The following GPR132 variants were observed in gnomAD, a reference collection of about 807,000 sequenced individuals.
GPR132 encodes the protein G protein-coupled receptor 132.
A neutral mutation model predicts 1.9 loss-of-function variants in GPR132; 4 were observed. The observed-to-expected ratio is 2.13, with a 90% CI of 1.05 to 4.87. GPR132 has a LOEUF of 4.87. GPR132 is among the 30% of genes most tolerant of loss of function. GPR132 has a pLI of 0.01. For missense variants in GPR132, 404 were observed against 512.5 expected, an observed-to-expected ratio of 0.79 and a Z score of 2.04; for synonymous variants, 233 against 234.2, an observed-to-expected ratio of 0.99 and a Z score of 0.05.
At chr14:105,064,227 C>A (rs1219058922) in intron 1 of GPR132, among the ~76,000 whole-genome samples, 1 of 152,240 alleles carries the variant, frequency 6.6e-6, no homozygotes, top group African/African-American at 2.4e-5. Context: ...TGGCACCAGG[C>A]AAACCTATGA....
Position 105,051,546 on chromosome 14 carries a change from G to T in GPR132, c.591C>A (p.Ala197=). 6.2e-7 allele frequency: 1 copy of T among 1,613,986 alleles called. No homozygotes were observed. Among genetic ancestry groups the T allele is most frequent in the South Asian group, 1.1e-5 (1 of 91,086 alleles). ...FDMLQMDSRI[A]GYYYARFTVG... ...CGGTGAACCTGGCGTAGTAGTACCCGGCAATCCTGCTGTCCATCTGCAGCA... is the reference window on the plus strand; with the variant it reads ...CGGTGAACCTGGCGTAGTAGTACCCTGCAATCCTGCTGTCCATCTGCAGCA... The change falls in exon 4 of 4, where the codon GCC becomes GCA. Residue 197 remains alanine (A), a synonymous_variant. Transcript: ENST00000329797. This position sits in a 1 kb window ranked among gnomAD's most constrained non-coding sequence, Gnocchi z 8.0.
At position 105,051,148 on chromosome 14, in the gene GPR132, G is replaced by A. The variant is rs761937469; in HGVS notation, c.989C>T (p.Ser330Phe). 1 of 1,614,040 alleles carries A rather than the reference G, an allele frequency of 6.2e-7. No individual in the cohort carries two copies. The highest frequency in any genetic ancestry group is 2.2e-5 in the East Asian group (1 of 44,900). The change falls in exon 4 of 4, where the codon TCC (serine) becomes TTC (phenylalanine). Residue 330 changes from serine (S) to phenylalanine (F), a missense_variant. Physicochemically the swap from Ser to Phe is radical, Grantham distance 155 (BLOSUM62 -2). Coordinates refer to ENST00000329797, the MANE Select transcript of GPR132 (RefSeq NM_013345.4). The surrounding 1 kb of genome is among the most constrained non-coding windows in gnomAD (Gnocchi z 8.0). ...GAGCCTGGTGACGTCTGTCTTCATGGACCACTCTTTCCACCCCTTATGGAT... is the reference window on the plus strand; with the variant it reads ...GAGCCTGGTGACGTCTGTCTTCATGAACCACTCTTTCCACCCCTTATGGAT... ...SRIHKGWKEW[S>F]MKTDVTRLTH...
intron 3 of GPR132, among the ~76,000 whole-genome samples, chr14:105,053,776 G>A (rs1266693508): frequency 6.6e-6 from 1 of 151,972 alleles, no homozygotes; most frequent in East Asian, 1.9e-4. Flanking sequence ...CGGGAAAGGG[G>A]AACTAAGGTT....
rs200733740 is a variant in GPR132, at chr14:105,051,591, G to T, written c.546C>A (p.Asp182Glu). 1.9e-6 allele frequency: 3 copies of T among 1,614,032 alleles called. No homozygotes were observed. In the East Asian group the frequency reaches 6.7e-5, roughly 36 times the overall value. ...GCAGCATGTCAAAGCAGGTCTCCTT[G>T]TCTTCCGTCTGGAACACCGGGTAGT... ...IVHYPVFQTEDKETCFDMLQM... is the reference protein window; with the variant it reads ...IVHYPVFQTEEKETCFDMLQM... The change falls in exon 4 of 4, where the codon GAC (aspartate) becomes GAA (glutamate). Residue 182 changes from aspartate to glutamate, a missense_variant. By Grantham distance (45) the Asp-to-Glu change is conservative. Transcript: ENST00000329797. The surrounding 1 kb of genome is among the most constrained non-coding windows in gnomAD (Gnocchi z 8.0).
Position 105,055,845 on chromosome 14 carries a change from T to C in GPR132, c.-425A>G. ...CGTGTGGCGTGTGGCGTGTGGCGTGTTCTGCTCAGCCACGACTCCGCTGAC... is the reference window on the plus strand; with the variant it reads ...CGTGTGGCGTGTGGCGTGTGGCGTGCTCTGCTCAGCCACGACTCCGCTGAC... On this transcript the variant is annotated 5_prime_UTR_variant, in exon 3 of 4. Transcript: ENST00000329797. This position sits in a 1 kb window ranked among gnomAD's most constrained non-coding sequence, Gnocchi z 4.7. 5.6e-6 allele frequency: 1 copy of C among 179,738 alleles called. No homozygotes were observed. Among genetic ancestry groups the C allele is most frequent in the Non-Finnish European group, 1.2e-5 (1 of 86,114 alleles). The allele number at this position is 179,738 out of a possible 1,614,324, so 11.1% of individuals were successfully genotyped here. A position where few individuals can be genotyped will look rare whatever the true frequency, so the allele number is the denominator to read the frequency against.
chr14:105,057,508 ATTC>A, intron 1 of GPR132: 1 of 160,558 alleles, frequency 6.2e-6, no homozygotes, highest in Non-Finnish European at 1.2e-5. Flanking sequence ...ACTACATACG[ATTC>A]TTTTTTTTTT....
chr14:105,061,047 C>T (rs1291894779), intron 1 of GPR132, among the ~76,000 whole-genome samples: 2 of 152,268 alleles, frequency 1.3e-5, no homozygotes, highest in South Asian at 2.1e-4. Flanking sequence ...GATCCCGCCA[C>T]GTGCCTGACC....
chr14:105,057,131 C>G, intron 2 of GPR132, 36 bp downstream of exon 2: 1 of 1,505,846 alleles, frequency 6.6e-7, no homozygotes, highest in Non-Finnish European at 8.9e-7. Context: ...CATGGGCTTC[C>G]TCTTACATGT....
At chr14:105,054,386 G>A (rs1157110298) in intron 3 of GPR132, 7 of 985,106 alleles carry the variant, frequency 7.1e-6, no homozygotes, top group African/African-American at 1.7e-5. Context: ...CACCCCGAAC[G>A]GGGTCAGCCC....
chr14:105,051,120 G>C lies in GPR132; in HGVS notation c.1017C>G (p.Thr339=). The C allele has an allele frequency of 6.2e-7, 1 of 1,614,158 alleles. No individual in the cohort carries two copies. Among genetic ancestry groups the C allele is most frequent in the Non-Finnish European group, 8.5e-7 (1 of 1,180,026 alleles). ...GCAGCTCCTCGGTGTCCCTGCTGTG[G>C]GTGAGCCTGGTGACGTCTGTCTTCA... ...WSMKTDVTRL[T]HSRDTEELQS... The change falls in exon 4 of 4, where the codon ACC becomes ACG. Residue 339 remains threonine (T), a synonymous_variant. Transcript: ENST00000329797. This position sits in a 1 kb window ranked among gnomAD's most constrained non-coding sequence, Gnocchi z 8.0.
Position 105,056,210 on chromosome 14 carries a change from T to C in GPR132, c.-746-44A>G. 1 of 977,936 alleles carries C rather than the reference T, an allele frequency of 1.0e-6. No homozygotes were observed. The highest frequency in any genetic ancestry group is 1.2e-6 in the Non-Finnish European group (1 of 823,498). The allele number at this position is 977,936 out of a possible 1,614,324, so 60.6% of individuals were successfully genotyped here. Reference sequence around the variant, plus strand: ...TGGGTGTGACTGGGCTGCCTCACACTCAGTTGTCACCACTTCGCCCAAGAC... The same window carrying C: ...TGGGTGTGACTGGGCTGCCTCACACCCAGTTGTCACCACTTCGCCCAAGAC... On this transcript the variant is annotated intron_variant, in intron 2 of 3. Transcript: ENST00000329797. This position sits in a 1 kb window ranked among gnomAD's most constrained non-coding sequence, Gnocchi z 6.0.
At chr14:105,062,936 A>G (rs551320147) in intron 1 of GPR132, among the ~76,000 whole-genome samples, 5 of 149,646 alleles carry the variant, frequency 3.3e-5, no homozygotes, top group South Asian at 2.1e-4. Context: ...TTGTTTATTT[A>G]TTTATTTGGA....
At chr14:105,057,474 C>A in intron 1 of GPR132, 194 bp from the exon 2 acceptor site, 37 of 306,262 alleles carry the variant, frequency 1.2e-4, no homozygotes, top group Non-Finnish European at 1.6e-4. Context: ...CAACAGGCAT[C>A]AAAACGTCAC....
At chr14:105,061,187 C>T (rs570013512) in intron 1 of GPR132, among the ~76,000 whole-genome samples, 4 of 152,386 alleles carry the variant, frequency 2.6e-5, no homozygotes, top group South Asian at 4.1e-4. Context: ...TCCCTCGCAC[C>T]GAGGTCCAGC....
Position 105,050,857 on chromosome 14 carries a change from G to T in GPR132, c.*137C>A. The T allele has an allele frequency of 5.1e-6, 4 of 788,142 alleles. No individual in the cohort carries two copies. Among genetic ancestry groups the T allele is most frequent in the Middle Eastern group, 7.2e-4 (2 of 2,776 alleles). 48.8% of individuals were successfully genotyped at this position (788,142 alleles called of 1,614,324 possible). A position where few individuals can be genotyped will look rare whatever the true frequency, so the allele number is the denominator to read the frequency against. Reference sequence around the variant, plus strand: ...CCTGGGGCCAGTGGTCACGGAGGGAGTGGCTTCAGGAACGAGAAATTGGTA... The same window carrying T: ...CCTGGGGCCAGTGGTCACGGAGGGATTGGCTTCAGGAACGAGAAATTGGTA... On this transcript the variant is annotated 3_prime_UTR_variant, in exon 4 of 4. Transcript: ENST00000329797. The surrounding 1 kb of genome is among the most constrained non-coding windows in gnomAD (Gnocchi z 4.0).
At chr14:105,061,615 T>A (rs1211891006) in intron 1 of GPR132, among the ~76,000 whole-genome samples, 1 of 151,986 alleles carries the variant, frequency 6.6e-6, no homozygotes, top group African/African-American at 2.4e-5. Flanking sequence ...CTGCTCTTCC[T>A]CGGGGAGGGT....
rs148183695 is a variant in GPR132 at position 105,051,663 on chromosome 14, G to A, written c.474C>T (p.Thr158=). 41 of 1,613,676 alleles carry A rather than the reference G, an allele frequency of 2.5e-5. No homozygotes were observed. The highest frequency in any genetic ancestry group is 2.1e-4 in the African/African-American group (16 of 74,934). The change falls in exon 4 of 4, where the codon ACC becomes ACT. Residue 158 remains threonine, a synonymous_variant. Transcript: ENST00000329797. This position sits in a 1 kb window ranked among gnomAD's most constrained non-coding sequence, Gnocchi z 8.0. ...AGATGCAGGCGGAGATGAGGATGGCGGTCCTCCGGCGGCGGCGGCCCCGAC... is the reference window on the plus strand; with the variant it reads ...AGATGCAGGCGGAGATGAGGATGGCAGTCCTCCGGCGGCGGCGGCCCCGAC... ...LESRGRRRRR[T]AILISACIFI...
At position 105,051,473 on chromosome 14, in the gene GPR132, T is replaced by C; in HGVS notation, c.664A>G (p.Ile222Val). The change falls in exon 4 of 4, where the codon ATT becomes GTT. Residue 222 changes from isoleucine to valine, a missense_variant. Transcript: ENST00000329797. The surrounding 1 kb of genome is among the most constrained non-coding windows in gnomAD (Gnocchi z 8.0). ...LSIIAFTNHR[I>V]FRSIKQSMGL... ...ATGCTCTGCTTGATGCTCCTGAAAA[T>C]CCGGTGGTTGGTGAAGGCGATGATG... 1 of 1,613,808 alleles carries C rather than the reference T, an allele frequency of 6.2e-7. No homozygotes were observed. Among genetic ancestry groups the C allele is most frequent in the Non-Finnish European group, 8.5e-7 (1 of 1,179,998 alleles).
In GPR132 at chr14:105,056,744, C is replaced by T. The variant is rs1033402199; in HGVS notation, c.-747+423G>A. Among the ~76,000 whole-genome samples, 3 of 152,236 alleles carry T rather than the reference C, an allele frequency of 2.0e-5. No individual in the cohort carries two copies. The highest frequency in any genetic ancestry group is 4.8e-5 in the African/African-American group (2 of 41,452). On this transcript the variant is annotated intron_variant, in intron 2 of 3. Coordinates refer to ENST00000329797, the MANE Select transcript of GPR132 (RefSeq NM_013345.4). The surrounding 1 kb of genome is among the most constrained non-coding windows in gnomAD (Gnocchi z 6.0). ...GTGAGGAGGCTGTCCCCCGCTCCCCCGCCTCCTGCCACAAGTGACCTCCTG... is the reference window on the plus strand; with the variant it reads ...GTGAGGAGGCTGTCCCCCGCTCCCCTGCCTCCTGCCACAAGTGACCTCCTG...
Sources: allele counts gnomAD v4.1 joint callset (sites outside exome capture counted in the v4.1 genomes callset), GRCh38; gene constraint gnomAD v4.1.1; non-coding constraint Gnocchi (gnomAD v3.1); transcripts MANE v1.5; gene names NCBI Gene and HGNC (gene_info 2026-07-23, HGNC 2026-07-21).